PRKD1: variants seen among roughly 807,000 people sequenced by gnomAD.
PRKD1 encodes the protein protein kinase D1, also known as serine/threonine-protein kinase D1.
Under a neutral mutation model 95.9 loss-of-function variants are expected in PRKD1, and 63 were observed. The ratio of observed to expected loss-of-function variants is 0.66; its 90% confidence interval spans 0.54 to 0.81. The LOEUF is 0.81. PRKD1 is among the 30% of genes least tolerant of loss of function. The pLI, the probability that PRKD1 is intolerant of heterozygous loss-of-function variation, is 0.00. For missense variants in PRKD1, 1,048 were observed against 1,165.3 expected (o/e 0.90, Z 1.47); for synonymous variants, 425 against 423.1 (o/e 1.00, Z -0.05).
chr14:29,669,511 C>T lies in PRKD1; in HGVS notation c.404-3303G>A, dbSNP rs45493495. Among the ~76,000 whole-genome samples, 1,362 of 152,172 alleles carry T rather than the reference C, an allele frequency of 9.0e-3. 22 individuals carry two copies. The highest frequency in any genetic ancestry group is 0.031 in the African/African-American group (1,299 of 41,504). On this transcript the variant is annotated intron_variant, in intron 2 of 17. Coordinates refer to ENST00000331968, the MANE Select transcript of PRKD1 (RefSeq NM_002742.3). ...ATAGTTTCTGGATACCACTCCTACA[C>T]AAAATCACATACTTGCTATTTTTAA...
At chr14:29,839,347 G>A (rs944661395) in intron 1 of PRKD1, among the ~76,000 whole-genome samples, 1 of 152,208 alleles carries the variant, frequency 6.6e-6, no homozygotes, top group East Asian at 1.9e-4. Flanking sequence ...ATTGTAATAG[G>A]AGATGAATCA....
chr14:29,881,956 C>T (rs1043591915), intron 1 of PRKD1, among the ~76,000 whole-genome samples: 15 of 152,106 alleles, frequency 9.9e-5, no homozygotes, highest in Non-Finnish European at 1.6e-4. Context: ...TTATCCCTTC[C>T]ATAGTTTTAT....
At chr14:29,644,588 GAAA>G (rs376892898) in intron 4 of PRKD1, among the ~76,000 whole-genome samples, 4 of 144,558 alleles carry the variant, frequency 2.8e-5, no homozygotes, top group African/African-American at 1.0e-4. Context: ...GTCAGCAACT[GAAA>G]AAAAAAAAAT....
At chr14:29,853,548 T>A (rs1266446102) in intron 1 of PRKD1, among the ~76,000 whole-genome samples, 1 of 152,342 alleles carries the variant, frequency 6.6e-6, no homozygotes, top group Non-Finnish European at 1.5e-5. Context: ...GTGGCAGAGA[T>A]GAAATCATGC....
intron 4 of PRKD1, among the ~76,000 whole-genome samples, chr14:29,661,853 G>A (rs1882209211): frequency 6.6e-6 from 1 of 152,068 alleles, no homozygotes; most frequent in Non-Finnish European, 1.5e-5. Context: ...TATCTGATTT[G>A]ATCATAATTT....
chr14:29,880,573 A>T (rs1441652541), intron 1 of PRKD1, among the ~76,000 whole-genome samples: 1 of 152,032 alleles, frequency 6.6e-6, no homozygotes, highest in Non-Finnish European at 1.5e-5. Context: ...CTACTGGGGG[A>T]CCACCGAGTA....
rs181585324 is a variant in PRKD1 at position 29,844,135 on chromosome 14, T to C, written c.264+83114A>G. On this transcript the variant is annotated intron_variant, in intron 1 of 17. Coordinates refer to ENST00000331968, the MANE Select transcript of PRKD1 (RefSeq NM_002742.3). ...TAAACAAACCTGGCTCCAGATTTTC[T>C]TTAAGGGCAAGTGAGGGAAACTTGG... Among the ~76,000 whole-genome samples the C allele has an allele frequency of 2.0e-3, 312 of 152,290 alleles. 3 individuals are homozygous for C. The highest frequency in any genetic ancestry group is 7.2e-3 in the African/African-American group (298 of 41,556).
At chr14:29,656,579 T>G in intron 4 of PRKD1, 1 of 1,431,890 alleles carries the variant, frequency 7.0e-7, no homozygotes, top group Non-Finnish European at 9.5e-7. Flanking sequence ...ACAACGTTAT[T>G]GGATGGAAGC....
At chr14:29,651,038 T>C (rs1443236038) in intron 4 of PRKD1, among the ~76,000 whole-genome samples, 1 of 152,212 alleles carries the variant, frequency 6.6e-6, no homozygotes, top group East Asian at 1.9e-4. Flanking sequence ...CATTATAGAA[T>C]CCTAGCCCAT....
At chr14:29,622,339 G>A (rs568045188) in intron 13 of PRKD1, among the ~76,000 whole-genome samples, 18 of 150,736 alleles carry the variant, frequency 1.2e-4, no homozygotes, top group African/African-American at 4.4e-4. Flanking sequence ...GAATAGGGAG[G>A]TAGTTTATAC....
chr14:29,766,469 T>C (rs1888261517), intron 1 of PRKD1, among the ~76,000 whole-genome samples: 1 of 152,188 alleles, frequency 6.6e-6, no homozygotes, highest in Non-Finnish European at 1.5e-5. Context: ...ACAGGTATGA[T>C]AACAACGTCA....
chr14:29,853,113 T>C (rs1892370528), intron 1 of PRKD1, among the ~76,000 whole-genome samples: 1 of 152,176 alleles, frequency 6.6e-6, no homozygotes, highest in Admixed American at 6.5e-5. Flanking sequence ...AAATAGACTT[T>C]AAATCAGAAA....
At chr14:29,729,324 G>T (rs1886321798) in intron 1 of PRKD1, among the ~76,000 whole-genome samples, 1 of 152,050 alleles carries the variant, frequency 6.6e-6, no homozygotes, top group South Asian at 2.1e-4. Flanking sequence ...TTTGCTGGAG[G>T]ACTTAAAACT....
intron 1 of PRKD1, among the ~76,000 whole-genome samples, chr14:29,762,503 T>C (rs1225213820): frequency 6.6e-6 from 1 of 152,198 alleles, no homozygotes; most frequent in African/African-American, 2.4e-5. Flanking sequence ...ACAAGATTCT[T>C]ATATGTCTCT....
intron 15 of PRKD1, among the ~76,000 whole-genome samples, chr14:29,598,573 G>A (rs898494684): frequency 5.3e-5 from 8 of 152,140 alleles, no homozygotes; most frequent in East Asian, 1.9e-4. Context: ...AGGCAGGACC[G>A]GAAGGTGTTA....
chr14:29,671,191 C>T (rs1421491959), intron 2 of PRKD1, among the ~76,000 whole-genome samples: 2 of 152,060 alleles, frequency 1.3e-5, no homozygotes, highest in Non-Finnish European at 2.9e-5. Flanking sequence ...AAAAAGGTCT[C>T]ACAAGCCAGA....
chr14:29,738,640 T>C (rs746340130), intron 1 of PRKD1, among the ~76,000 whole-genome samples: 3 of 152,208 alleles, frequency 2.0e-5, no homozygotes, highest in Non-Finnish European at 4.4e-5. Context: ...GCTGTTCAAA[T>C]GCAGATAACT....
chr14:29,692,090 T>A (rs911364872), intron 2 of PRKD1, among the ~76,000 whole-genome samples: 2 of 152,148 alleles, frequency 1.3e-5, no homozygotes, highest in African/African-American at 4.8e-5. Context: ...ACACTTTGAG[T>A]CCAACTTAAA....
Position 29,856,606 on chromosome 14 carries a change from C to T in PRKD1, c.264+70643G>A, listed in dbSNP as rs182174513. Among the ~76,000 whole-genome samples, 153 of 152,284 alleles carry T rather than the reference C, an allele frequency of 1.0e-3. 3 individuals carry two copies. Among genetic ancestry groups the T allele is most frequent in the African/African-American group, 3.5e-3 (144 of 41,572 alleles). ...CCACAAGAGGAACCAATCAATGTAT[C>T]GTGAGTTCAATGCACTAACTGACTG... On this transcript the variant is annotated intron_variant, in intron 1 of 17. Coordinates refer to ENST00000331968, the MANE Select transcript of PRKD1 (RefSeq NM_002742.3).
Sources: allele counts gnomAD v4.1 joint callset (sites outside exome capture counted in the v4.1 genomes callset), GRCh38; gene constraint gnomAD v4.1.1; transcripts MANE v1.5; gene names NCBI Gene and HGNC (gene_info 2026-07-23, HGNC 2026-07-21).